Variants in MYH11 observed in about 807,000 individuals in gnomAD.
MYH11 encodes the protein myosin-11.
Under a neutral mutation model 246.6 loss-of-function variants are expected in MYH11, and 80 were observed. That is an observed-to-expected ratio of 0.32 (90% CI 0.27 to 0.39). The LOEUF is 0.39. Among genes scored for constraint, MYH11 ranks in the 10% least tolerant of loss-of-function variants. The pLI, the probability that MYH11 is intolerant of heterozygous loss-of-function variation, is 1.00. For synonymous variants in MYH11, 1,071 were observed against 1,015.5 expected (o/e 1.05, Z -1.04); for missense variants, 2,158 against 2,546.8 (o/e 0.85, Z 3.29).
At chr16:15,757,457 C>A (rs1278901669) in intron 13 of MYH11, among the ~76,000 whole-genome samples, 1 of 118,964 alleles carries the variant, frequency 8.4e-6, no homozygotes, top group Non-Finnish European at 1.6e-5. Context: ...TGCAGTGAGG[C>A]AAGATTGTGC....
At chr16:15,845,714 G>C (rs1011123325) in intron 1 of MYH11, among the ~76,000 whole-genome samples, 1 of 151,950 alleles carries the variant, frequency 6.6e-6, no homozygotes, top group African/African-American at 2.4e-5. Context: ...GTGTGAGAGA[G>C]AGAGAGAGAA....
chr16:15,847,390 A>ACAGGCAC (rs2044221573), intron 1 of MYH11, among the ~76,000 whole-genome samples: 1 of 151,788 alleles, frequency 6.6e-6, no homozygotes, highest in Non-Finnish European at 1.5e-5. Flanking sequence ...AGTTGGGACC[A>ACAGGCAC]CAGGCACCTG....
chr16:15,782,310 G>C (rs544647088), intron 6 of MYH11, 75 bp downstream of exon 6: 3 of 1,319,900 alleles, frequency 2.3e-6, no homozygotes, highest in Non-Finnish European at 3.3e-6. Context: ...ACCTCTGCAC[G>C]CAAACACTCT....
intron 2 of MYH11, among the ~76,000 whole-genome samples, chr16:15,836,726 T>TC (rs2043906805): frequency 1.5e-5 from 2 of 131,608 alleles, no homozygotes; most frequent in African/African-American, 5.8e-5. Flanking sequence ...TTTCTTTTTT[T>TC]TTTTTTTTTT....
At chr16:15,735,621 G>C (rs965099494) in intron 25 of MYH11, 43 bp from the exon 26 acceptor site, 6 of 1,608,970 alleles carry the variant, frequency 3.7e-6, no homozygotes, top group South Asian at 1.1e-5. Flanking sequence ...CAGGTCCCTT[G>C]GTTTCCTCTC....
chr16:15,846,481 G>A (rs1218658674), intron 1 of MYH11, among the ~76,000 whole-genome samples: 1 of 152,140 alleles, frequency 6.6e-6, no homozygotes, highest in African/African-American at 2.4e-5. Flanking sequence ...AGAACGTGAG[G>A]GGGGCTTGTG....
In MYH11 at chr16:15,822,262, G is replaced by C. The variant is rs1023813162; in HGVS notation, c.502+993C>G. On this transcript the variant is annotated intron_variant, in intron 3 of 40. Coordinates refer to ENST00000300036, the MANE Select transcript of MYH11 (RefSeq NM_002474.3). ...CACCTGTTGGTGCCCTTTCAGAGGG[G>C]GTGTGAGTTTTCGAGTTTCTTGTAC... Among the ~76,000 whole-genome samples the C allele has an allele frequency of 5.9e-5, 9 of 152,148 alleles. No homozygotes were observed. The East Asian group carries it at 1.7e-3, about 29-fold the overall frequency.
chr16:15,745,298 C>A, intron 19 of MYH11, 61 bp from the exon 20 acceptor site: 1 of 1,226,356 alleles, frequency 8.2e-7, no homozygotes, highest in Non-Finnish European at 1.2e-6. Context: ...GTCAACAGAG[C>A]CCTGCCCTGC....
intron 23 of MYH11, among the ~76,000 whole-genome samples, chr16:15,738,986 C>A (rs1269505343): frequency 2.0e-5 from 3 of 152,310 alleles, no homozygotes; most frequent in Middle Eastern, 3.4e-3. Context: ...GGCCAACCAG[C>A]TGAGATGCTC....
rs1356888259 is a variant in MYH11, at chr16:15,750,360, C to A, written c.1865-29G>T. The stretch of plus-strand genomic sequence containing the variant: ...TGGGGCACAGCCAGGGTGGCATCAG[C>A]CTCTGGCCCACCCACCCCTAAATAG... On this transcript the variant is annotated intron_variant, in intron 15 of 40. Coordinates refer to ENST00000300036, the MANE Select transcript of MYH11 (RefSeq NM_002474.3). The surrounding 1 kb of genome is among the most constrained non-coding windows in gnomAD (Gnocchi z 4.3). 6.4e-7 allele frequency: 1 copy of A among 1,563,032 alleles called. No homozygotes were observed. Among genetic ancestry groups the A allele is most frequent in the Non-Finnish European group, 8.6e-7 (1 of 1,156,936 alleles).
intron 3 of MYH11, among the ~76,000 whole-genome samples, chr16:15,806,328 A>C (rs1236933737): frequency 1.3e-5 from 2 of 148,814 alleles, no homozygotes; most frequent in African/African-American, 4.9e-5. Context: ...AGCCAGCCAC[A>C]AAAGGTCACA....
At chr16:15,709,187 T>G (rs1275010846) in intron 40 of MYH11, among the ~76,000 whole-genome samples, 1 of 152,084 alleles carries the variant, frequency 6.6e-6, no homozygotes, top group Non-Finnish European at 1.5e-5. Context: ...ATGATCTTCC[T>G]GCCTTGGCCT....
At chr16:15,782,287 A>T in intron 6 of MYH11, 98 bp downstream of exon 6, 1 of 981,852 alleles carries the variant, frequency 1.0e-6, no homozygotes, top group Non-Finnish European at 1.6e-6. Flanking sequence ...CTCCAGGGTC[A>T]GATGCCCCTC....
chr16:15,784,628 G>A, intron 5 of MYH11: 1 of 1,564,576 alleles, frequency 6.4e-7, no homozygotes, highest in Non-Finnish European at 8.8e-7. Flanking sequence ...GTGGGTGCAA[G>A]AGGATCATGC....
intron 2 of MYH11, among the ~76,000 whole-genome samples, chr16:15,836,063 C>A (rs911086641): frequency 6.6e-6 from 1 of 152,010 alleles, no homozygotes; most frequent in Non-Finnish European, 1.5e-5. Context: ...AAGAGGCTGG[C>A]ACTATTCTTG....
intron 9 of MYH11, among the ~76,000 whole-genome samples, chr16:15,770,335 G>A (rs369651634): frequency 3.2e-4 from 48 of 152,260 alleles, no homozygotes; most frequent in African/African-American, 1.1e-3. Context: ...GGCTCCAAAC[G>A]GGCGTAGGCG....
chr16:15,754,554 T>G (rs1254744477), intron 14 of MYH11, among the ~76,000 whole-genome samples: 1 of 152,216 alleles, frequency 6.6e-6, no homozygotes, highest in East Asian at 1.9e-4. Context: ...CTCTATATGC[T>G]TAAAGGAACA....
At position 15,726,976 on chromosome 16, in the gene MYH11, C is replaced by G; in HGVS notation, c.3730G>C (p.Gly1244Arg). 1.2e-6 allele frequency: 2 copies of G among 1,611,896 alleles called. No homozygotes were observed. The highest frequency in any genetic ancestry group is 2.2e-5 in the South Asian group (2 of 90,866). ...ADLAGELRVL[G>R]QAKQEVEHKK... ...TGTTCCACCTCCTGCTTGGCCTGGCCCAGGACCCGCAGCTCCCCGGCCAGG... is the reference window on the plus strand; with the variant it reads ...TGTTCCACCTCCTGCTTGGCCTGGCGCAGGACCCGCAGCTCCCCGGCCAGG... The change falls in exon 28 of 41, where the codon GGC becomes CGC. Residue 1244 changes from glycine to arginine, a missense_variant. Coordinates refer to ENST00000300036, the MANE Select transcript of MYH11 (RefSeq NM_002474.3).
At chr16:15,757,513 A>T (rs2041757968) in intron 13 of MYH11, among the ~76,000 whole-genome samples, 2 of 90,360 alleles carry the variant, frequency 2.2e-5, no homozygotes, top group Non-Finnish European at 5.2e-5. Context: ...TGTCATAAAA[A>T]AAAAAAAAAA....
Sources: gnomAD v4.1 joint callset for allele counts (sites outside exome capture counted in the v4.1 genomes callset) on GRCh38, gnomAD v4.1.1 for gene constraint, Gnocchi (gnomAD v3.1) non-coding constraint, MANE v1.5 for transcripts, NCBI Gene and HGNC (gene_info 2026-07-23, HGNC 2026-07-21) for gene names.